The following IL2RA variants were observed in gnomAD, a reference collection of about 807,000 sequenced individuals.
IL2RA encodes interleukin-2 receptor subunit alpha.
Under a neutral mutation model 37.8 loss-of-function variants are expected in IL2RA, and 24 were observed. That is an observed-to-expected ratio of 0.63 (90% CI 0.46 to 0.89). IL2RA has a LOEUF of 0.89. Ranked by LOEUF, IL2RA falls within the 40% of genes least tolerant of loss-of-function variation. The pLI is 0.00. For missense variants in IL2RA, 319 were observed against 348.6 expected (o/e 0.92, Z 0.68); for synonymous variants, 125 against 114.6 (o/e 1.09, Z -0.58).
intron 1 of IL2RA, among the ~76,000 whole-genome samples, chr10:6,031,455 CA>C (rs1839575921): frequency 3.0e-5 from 2 of 67,174 alleles, no homozygotes; most frequent in African/African-American, 6.6e-5. Flanking sequence ...TATATATATA[CA>C]TATATATATA....
intron 1 of IL2RA, among the ~76,000 whole-genome samples, chr10:6,040,820 T>C (rs1839759366): frequency 6.6e-6 from 1 of 152,310 alleles, no homozygotes; most frequent in African/African-American, 2.4e-5. Flanking sequence ...TCATTCTATG[T>C]GAGGAATTTA....
intron 1 of IL2RA, among the ~76,000 whole-genome samples, chr10:6,031,640 G>T (rs907905807): frequency 3.3e-5 from 5 of 150,656 alleles, no homozygotes; most frequent in Admixed American, 2.6e-4. Context: ...TTGTAAATAA[G>T]CCTACCAAAA....
chr10:6,032,118 C>T (rs1334898743), intron 1 of IL2RA, among the ~76,000 whole-genome samples: 5 of 150,312 alleles, frequency 3.3e-5, no homozygotes, highest in East Asian at 2.0e-4. Context: ...AAAATCTTTT[C>T]GACAAATGCT....
At position 6,014,708 on chromosome 10, in the gene IL2RA, C is replaced by T. The variant is rs1839248413; in HGVS notation, c.795-1812G>A. ...TTCCCCTCCTGGAAGCCTAAAATGA[C>T]ACCTTAGGAGTCAGCTAACCCCTTA... is the stretch of plus-strand genomic sequence containing the variant. On this transcript the variant is annotated intron_variant, in intron 7 of 7. Transcript: ENST00000379959. This position sits in a 1 kb window ranked among gnomAD's most constrained non-coding sequence, Gnocchi z 4.4. Among the ~76,000 whole-genome samples, 1 of 152,170 alleles carries T rather than the reference C, an allele frequency of 6.6e-6. No homozygotes were observed. Among genetic ancestry groups the T allele is most frequent in the Non-Finnish European group, 1.5e-5 (1 of 68,022 alleles).
chr10:6,040,690 G>A (rs1839757824), intron 1 of IL2RA, among the ~76,000 whole-genome samples: 1 of 152,054 alleles, frequency 6.6e-6, no homozygotes, highest in Non-Finnish European at 1.5e-5. Context: ...GGACTTAATG[G>A]CATCTTTGGG....
rs7907895 is a variant in IL2RA at position 6,049,612 on chromosome 10, C to T, written c.64+12476G>A. 4.5e-3 allele frequency among the ~76,000 whole-genome samples: 680 copies of T among 152,252 alleles called. 4 individuals are homozygous for T. The highest frequency in any genetic ancestry group is 0.015 in the African/African-American group (639 of 41,536). ...CTGTCATCTTTCTCTGGGAAGCCTC[C>T]GGGACTCTTCTGTCTGTGCTTTGTG... On this transcript the variant is annotated intron_variant, in intron 1 of 7. Transcript: ENST00000379959.
chr10:6,042,450 C>G (rs958299429), intron 1 of IL2RA, among the ~76,000 whole-genome samples: 5 of 152,056 alleles, frequency 3.3e-5, no homozygotes, highest in African/African-American at 9.7e-5. Flanking sequence ...TAAAAGCCTT[C>G]TATTTAATGG....
rs1224520689 is a variant in IL2RA, at chr10:6,014,315, T to A, written c.795-1419A>T. Among the ~76,000 whole-genome samples the A allele has an allele frequency of 6.6e-6, 1 of 152,062 alleles. No homozygotes were observed. Among genetic ancestry groups the A allele is most frequent in the Non-Finnish European group, 1.5e-5 (1 of 68,016 alleles). On this transcript the variant is annotated intron_variant, in intron 7 of 7. Coordinates refer to ENST00000379959, the MANE Select transcript of IL2RA (RefSeq NM_000417.3). The surrounding 1 kb of genome is among the most constrained non-coding windows in gnomAD (Gnocchi z 4.4). ...TGGGCTACAGTGATCTTTCGGTAAT[T>A]CAAATGCAGCATTTCTGTTGCCACA...
At chr10:6,013,362 T>A (rs1839222916) in intron 7 of IL2RA, among the ~76,000 whole-genome samples, 1 of 152,252 alleles carries the variant, frequency 6.6e-6, no homozygotes, top group South Asian at 2.1e-4. Context: ...TTTAATTGTA[T>A]TTAATTTATT....
At chr10:6,038,989 G>A (rs1772820673) in intron 1 of IL2RA, among the ~76,000 whole-genome samples, 1 of 152,200 alleles carries the variant, frequency 6.6e-6, no homozygotes, top group Admixed American at 6.5e-5. Flanking sequence ...AACTATATCA[G>A]TAATAATTAT....
At position 6,017,572 on chromosome 10, in the gene IL2RA, ATTTTTTT is replaced by A. The variant is rs71390109; in HGVS notation, c.794+474_794+480del. On this transcript the variant is annotated intron_variant, in intron 7 of 7. Transcript: ENST00000379959. ...GCCTTCCCATTTCCCTGGTCGTTTA[ATTTTTTT>A]TTTTTTTTTTTTTTGAGACAGAGTC... Among the ~76,000 whole-genome samples the A allele has an allele frequency of 4.8e-5, 5 of 104,862 alleles. No individual in the cohort carries two copies. The Admixed American group carries it at 5.3e-4, about 11-fold the overall frequency. 68.8% of individuals were successfully genotyped at this position (104,862 alleles called of 152,430 possible). A position where few individuals can be genotyped will look rare whatever the true frequency, so the allele number is the denominator to read the frequency against.
Position 6,057,886 on chromosome 10 carries a change from G to C in IL2RA, c.64+4202C>G, listed in dbSNP as rs1007790460. Among the ~76,000 whole-genome samples, 2 of 152,220 alleles carry C rather than the reference G, an allele frequency of 1.3e-5. No individual in the cohort carries two copies. Among genetic ancestry groups the C allele is most frequent in the Non-Finnish European group, 2.9e-5 (2 of 68,036 alleles). ...CATGCCTGTAATCCCAGTGCTTTGG[G>C]AGGCCAAGGTGGGCAGATCACCTGA... On this transcript the variant is annotated intron_variant, in intron 1 of 7. Transcript: ENST00000379959. The surrounding 1 kb of genome is among the most constrained non-coding windows in gnomAD (Gnocchi z 4.8).
intron 1 of IL2RA, among the ~76,000 whole-genome samples, chr10:6,059,395 A>G (rs1840091586): frequency 6.6e-6 from 1 of 152,222 alleles, no homozygotes; most frequent in African/African-American, 2.4e-5. Flanking sequence ...GGTTCATGAT[A>G]TCCATACTGC....
rs1178100380 is a variant in IL2RA at position 6,056,860 on chromosome 10, G to A, written c.64+5228C>T. 6.6e-6 allele frequency among the ~76,000 whole-genome samples: 1 copy of A among 152,146 alleles called. No homozygotes were observed. The highest frequency in any genetic ancestry group is 1.5e-5 in the Non-Finnish European group (1 of 68,014). On this transcript the variant is annotated intron_variant, in intron 1 of 7. Coordinates refer to ENST00000379959, the MANE Select transcript of IL2RA (RefSeq NM_000417.3). The surrounding 1 kb of genome is among the most constrained non-coding windows in gnomAD (Gnocchi z 5.0). ...TTCTCCCATGGGAGACAAGGACATTGTTTGAGGGGAAAATTCCTACACAAG... is the reference window on the plus strand; with the variant it reads ...TTCTCCCATGGGAGACAAGGACATTATTTGAGGGGAAAATTCCTACACAAG...
chr10:6,049,325 A>G (rs1839911711), intron 1 of IL2RA, among the ~76,000 whole-genome samples: 1 of 152,136 alleles, frequency 6.6e-6, no homozygotes, highest in African/African-American at 2.4e-5. Context: ...CTATGGTTGG[A>G]TGATCCCCAC....
intron 1 of IL2RA, among the ~76,000 whole-genome samples, chr10:6,039,072 G>A (rs1174193725): frequency 6.6e-6 from 1 of 152,186 alleles, no homozygotes; most frequent in African/African-American, 2.4e-5. Context: ...GCAGTTATAT[G>A]ATGTTTATAA....
In IL2RA at chr10:6,044,088, G is replaced by A. The variant is rs1458210116; in HGVS notation, c.64+18000C>T. ...TCTAACTCCCAATTTTATTTATGAA[G>A]TCAATCATCCAAATCACCTCTCAGT... On this transcript the variant is annotated intron_variant, in intron 1 of 7. Transcript: ENST00000379959. The surrounding 1 kb of genome is among the most constrained non-coding windows in gnomAD (Gnocchi z 4.5). Among the ~76,000 whole-genome samples the A allele has an allele frequency of 2.0e-5, 3 of 152,196 alleles. No homozygotes were observed. The highest frequency in any genetic ancestry group is 4.4e-5 in the Non-Finnish European group (3 of 68,046).
In IL2RA at chr10:6,057,935, G is replaced by A. The variant is rs1302164982; in HGVS notation, c.64+4153C>T. ...GAGGTCAGGAGTTCGAGACCAGCCTGGCCAACTTGGTGAAACCCCGTCTCT... is the reference window on the plus strand; with the variant it reads ...GAGGTCAGGAGTTCGAGACCAGCCTAGCCAACTTGGTGAAACCCCGTCTCT... On this transcript the variant is annotated intron_variant, in intron 1 of 7. Transcript: ENST00000379959. The surrounding 1 kb of genome is among the most constrained non-coding windows in gnomAD (Gnocchi z 4.8). 6.6e-6 allele frequency among the ~76,000 whole-genome samples: 1 copy of A among 152,180 alleles called. No individual in the cohort carries two copies. The highest frequency in any genetic ancestry group is 1.5e-5 in the Non-Finnish European group (1 of 68,034).
rs537787895 is a variant in IL2RA at position 6,023,341 on chromosome 10, G to GT, written c.367+902dup. Reference sequence around the variant, plus strand: ...GTGGGTTTTTTTTCTTTTTTGTTTTGTTTTTTTGAGGGGGGACAGAGTCTT... The same window carrying GT: ...GTGGGTTTTTTTTCTTTTTTGTTTTGTTTTTTTTGAGGGGGGACAGAGTCTT... On this transcript the variant is annotated intron_variant, in intron 3 of 7. Transcript: ENST00000379959. 1.6e-4 allele frequency among the ~76,000 whole-genome samples: 24 copies of GT among 151,894 alleles called. No individual in the cohort carries two copies. In the South Asian group the frequency reaches 2.9e-3, roughly 18 times the overall value.
Sources: gnomAD v4.1 joint callset for allele counts (sites outside exome capture counted in the v4.1 genomes callset) on GRCh38, gnomAD v4.1.1 for gene constraint, Gnocchi (gnomAD v3.1) non-coding constraint, MANE v1.5 for transcripts, NCBI Gene and HGNC (gene_info 2026-07-23, HGNC 2026-07-21) for gene names.